Variants in CHST9 observed in about 807,000 individuals in gnomAD.
CHST9 encodes the protein GalNAc-4-sulfotransferase 2.
CHST9 carries 41 observed loss-of-function variants against 44.4 expected under a neutral mutation model. The ratio of observed to expected loss-of-function variants is 0.92; its 90% CI spans 0.72 to 1.20. The LOEUF (loss-of-function observed/expected upper bound fraction) is 1.20, where lower values mean the gene tolerates loss of function less well. Among genes scored for constraint, CHST9 ranks in the 50% most tolerant of loss-of-function variants. The probability of loss-of-function intolerance (pLI) is 0.00; values close to 1 mark genes in which losing one functional copy is unlikely to be tolerated. For missense variants in CHST9, 504 were observed against 516.5 expected (o/e 0.98, Z 0.23); for synonymous variants, 171 against 178.4 (o/e 0.96, Z 0.33).
Position 26,914,334 on chromosome 18 carries a change from T to C in CHST9, c.*1925A>G, listed in dbSNP as rs1224871477. 3 of 152,202 alleles carry C rather than the reference T, an allele frequency of 2.0e-5. 1 individual carries two copies. Among genetic ancestry groups the C allele is most frequent in the South Asian group, 4.1e-4 (2 of 4,834 alleles). 9.4% of individuals were successfully genotyped at this position (152,202 alleles called of 1,614,324 possible). A position where few individuals can be genotyped will look rare whatever the true frequency, so the allele number is the denominator to read the frequency against. ...AGGAAATTGCCTTTATTCTTTATAG[T>C]GGATTTCATATAAAGCAAGTTTTGT... On this transcript the variant is annotated 3_prime_UTR_variant, in exon 6 of 6. Transcript: ENST00000618847.
intron 2 of CHST9, among the ~76,000 whole-genome samples, chr18:27,090,306 T>C (rs1194810054): frequency 6.6e-6 from 1 of 152,230 alleles, no homozygotes; most frequent in Non-Finnish European, 1.5e-5. Flanking sequence ...CGTTTTTTTC[T>C]TATAAATTTG....
At chr18:27,147,517 G>A (rs375147424) in intron 1 of CHST9, among the ~76,000 whole-genome samples, 27 of 152,018 alleles carry the variant, frequency 1.8e-4, no homozygotes, top group African/African-American at 6.5e-4. Context: ...CTCCCCTCCG[G>A]TAGCAGCTAC....
chr18:26,909,677 T>A lies in CHST9; in HGVS notation c.*6582A>T, dbSNP rs1212954512. 1 of 152,218 alleles carries A rather than the reference T, an allele frequency of 6.6e-6. No homozygotes were observed. Among genetic ancestry groups the A allele is most frequent in the Non-Finnish European group, 1.5e-5 (1 of 68,044 alleles). 9.4% of individuals were successfully genotyped at this position (152,218 alleles called of 1,614,324 possible). A position where few individuals can be genotyped will look rare whatever the true frequency, so the allele number is the denominator to read the frequency against. On this transcript the variant is annotated 3_prime_UTR_variant, in exon 6 of 6. Coordinates refer to ENST00000618847, the MANE Select transcript of CHST9 (RefSeq NM_031422.6). ...TGCATAAAATGAGATACTGTGTGTTTTACTAGTTTTCCTGGTATTTGAGGA... is the reference window on the plus strand; with the variant it reads ...TGCATAAAATGAGATACTGTGTGTTATACTAGTTTTCCTGGTATTTGAGGA...
At chr18:27,134,342 C>G (rs761764147) in intron 2 of CHST9, among the ~76,000 whole-genome samples, 2 of 152,150 alleles carry the variant, frequency 1.3e-5, no homozygotes, top group Non-Finnish European at 2.9e-5. Context: ...AATCAATTAT[C>G]TGAGAAAAAG....
chr18:27,069,685 C>G (rs539691862), intron 2 of CHST9, among the ~76,000 whole-genome samples: 1 of 152,230 alleles, frequency 6.6e-6, no homozygotes, highest in Non-Finnish European at 1.5e-5. Context: ...CTCCAGTTTC[C>G]AAATTCCTGC....
chr18:27,086,859 TAA>T (rs2058017400), intron 2 of CHST9, among the ~76,000 whole-genome samples: 2 of 152,120 alleles, frequency 1.3e-5, no homozygotes, highest in Non-Finnish European at 2.9e-5. Flanking sequence ...CTCTATAAAG[TAA>T]GGAAGTTGTC....
At chr18:27,178,847 C>T (rs1033314604) in intron 1 of CHST9, among the ~76,000 whole-genome samples, 3 of 151,920 alleles carry the variant, frequency 2.0e-5, no homozygotes, top group Non-Finnish European at 4.4e-5. Context: ...AGCTTTTGGG[C>T]TTTTACTATA....
intron 4 of CHST9, among the ~76,000 whole-genome samples, chr18:26,976,387 C>G (rs895484437): frequency 1.6e-4 from 24 of 152,042 alleles, no homozygotes; most frequent in Admixed American, 1.1e-3. Flanking sequence ...AAAGATCAAG[C>G]CTAGCAGACA....
At chr18:27,169,598 C>CTT (rs1156859087) in intron 1 of CHST9, among the ~76,000 whole-genome samples, 1,748 of 81,992 alleles carry the variant, frequency 0.021, 3 homozygotes, top group Non-Finnish European at 0.024. Flanking sequence ...ATATATTCTT[C>CTT]TTTTTTTTTT....
intron 1 of CHST9, among the ~76,000 whole-genome samples, chr18:27,143,472 T>G (rs561936222): frequency 6.6e-6 from 1 of 152,248 alleles, no homozygotes; most frequent in African/African-American, 2.4e-5. Context: ...AACATGAAAT[T>G]ACTGAAATCT....
chr18:26,913,635 A>G lies in CHST9; in HGVS notation c.*2624T>C, dbSNP rs2055472068. 1 of 152,194 alleles carries G rather than the reference A, an allele frequency of 6.6e-6. No homozygotes were observed. Among genetic ancestry groups the G allele is most frequent in the Non-Finnish European group, 1.5e-5 (1 of 68,032 alleles). The allele number at this position is 152,194 out of a possible 1,614,324, so 9.4% of individuals were successfully genotyped here. ...GTTTAATTGGAGGACTTATAATTGC[A>G]CCTAATGTTAAAATGGGAACTTTGG... On this transcript the variant is annotated 3_prime_UTR_variant, in exon 6 of 6. Transcript: ENST00000618847.
chr18:27,115,583 T>C (rs1005380469), intron 2 of CHST9, among the ~76,000 whole-genome samples: 2 of 152,176 alleles, frequency 1.3e-5, no homozygotes, highest in African/African-American at 4.8e-5. Flanking sequence ...GACACAAACA[T>C]GGCTCACTGC....
intron 5 of CHST9, chr18:26,933,875 G>C (rs1211083887): frequency 6.5e-6 from 1 of 153,368 alleles, no homozygotes; most frequent in Non-Finnish European, 1.5e-5. Flanking sequence ...ATGTCAGAGG[G>C]AGAGTGGGAA....
At chr18:27,020,083 C>T (rs562886774) in intron 4 of CHST9, among the ~76,000 whole-genome samples, 84 of 151,676 alleles carry the variant, frequency 5.5e-4, no homozygotes, top group African/African-American at 2.0e-3. Context: ...AGGGCACTGG[C>T]GGGGGTGGGT....
chr18:27,091,795 C>G (rs1032806601), intron 2 of CHST9, among the ~76,000 whole-genome samples: 3 of 152,160 alleles, frequency 2.0e-5, no homozygotes, highest in Non-Finnish European at 2.9e-5. Context: ...AGGGATGAAG[C>G]CAACTTGATC....
chr18:27,072,628 C>A (rs2057853249), intron 2 of CHST9, among the ~76,000 whole-genome samples: 1 of 152,032 alleles, frequency 6.6e-6, no homozygotes, highest in Admixed American at 6.6e-5. Context: ...CTCACTTGGA[C>A]CCAAACCTGA....
At chr18:26,981,183 CTT>C (rs2056687504) in intron 4 of CHST9, among the ~76,000 whole-genome samples, 1 of 152,130 alleles carries the variant, frequency 6.6e-6, no homozygotes, top group African/African-American at 2.4e-5. Flanking sequence ...ATGTTAAAGG[CTT>C]TTGACTTAAA....
chr18:27,130,687 A>C (rs573863667), intron 2 of CHST9, among the ~76,000 whole-genome samples: 2 of 152,332 alleles, frequency 1.3e-5, no homozygotes, highest in East Asian at 1.9e-4. Context: ...CAAAAGTTAG[A>C]AACAACTTTA....
intron 2 of CHST9, among the ~76,000 whole-genome samples, chr18:27,053,256 A>AAGAAGAAGAAGAAGAAGAAGAAGG (rs1568151140): frequency 9.9e-5 from 8 of 80,572 alleles, no homozygotes; most frequent in Non-Finnish European, 1.3e-4. Context: ...GAAGAAGAAG[A>AAGAAGAAGAAGAAGAAGAAGAAGG]AGAAGGAGAA....
Sources: allele counts gnomAD v4.1 joint callset (sites outside exome capture counted in the v4.1 genomes callset), GRCh38; gene constraint gnomAD v4.1.1; transcripts MANE v1.5; gene names NCBI Gene and HGNC (gene_info 2026-07-23, HGNC 2026-07-21).